Variants in FOXP4 observed in about 807,000 individuals in gnomAD.
FOXP4 encodes the protein forkhead box P4, also known as forkhead box protein P4.
FOXP4 carries 25 observed loss-of-function variants against 82.6 expected under a neutral mutation model. The ratio of observed to expected loss-of-function variants is 0.30; its 90% CI spans 0.22 to 0.42. The LOEUF (loss-of-function observed/expected upper bound fraction) is 0.42, where lower values mean the gene tolerates loss of function less well. Ranked by LOEUF, FOXP4 falls within the 10% of genes least tolerant of loss-of-function variation. The pLI, the probability that FOXP4 is intolerant of heterozygous loss-of-function variation, is 1.00. For missense variants in FOXP4, 785 were observed against 900.9 expected, an observed-to-expected ratio of 0.87 and a Z score of 1.65; for synonymous variants, 415 against 388.2, an observed-to-expected ratio of 1.07 and a Z score of -0.81.
intron 1 of FOXP4, among the ~76,000 whole-genome samples, chr6:41,554,431 G>A (rs1054294630): frequency 5.3e-5 from 8 of 152,310 alleles, no homozygotes; most frequent in African/African-American, 1.9e-4. Context: ...CTGCCTCCTC[G>A]TGCCCTCCTC....
intron 2 of FOXP4, among the ~76,000 whole-genome samples, chr6:41,573,482 TG>T (rs1765312210): frequency 6.6e-6 from 1 of 151,820 alleles, no homozygotes; most frequent in Non-Finnish European, 1.5e-5. Flanking sequence ...GAATGGGGGA[TG>T]GGGGGAGGAG....
In FOXP4 at chr6:41,601,787, TACGCC is replaced by T. The variant is rs965175090; in HGVS notation, c.*2854_*2858del. On this transcript the variant is annotated 3_prime_UTR_variant, in exon 17 of 17. Coordinates refer to ENST00000307972, the MANE Select transcript of FOXP4 (RefSeq NM_001012426.2). ...CACTGCACCCGGCTCTCACTGGTCT[TACGCC>T]ACCTTCTGGACACTCCCTCCTTGAG... The T allele has an allele frequency of 2.6e-5, 4 of 152,364 alleles. No homozygotes were observed. Among genetic ancestry groups the T allele is most frequent in the African/African-American group, 9.6e-5 (4 of 41,470 alleles). 9.4% of individuals were successfully genotyped at this position (152,364 alleles called of 1,614,324 possible).
chr6:41,575,073 A>G (rs886952799), intron 2 of FOXP4, among the ~76,000 whole-genome samples: 3 of 152,282 alleles, frequency 2.0e-5, no homozygotes, highest in Middle Eastern at 3.4e-3. Flanking sequence ...GGTTCACGCC[A>G]TCATTCTGCC....
At chr6:41,562,462 T>C (rs1764639312) in intron 1 of FOXP4, among the ~76,000 whole-genome samples, 1 of 152,160 alleles carries the variant, frequency 6.6e-6, no homozygotes, top group Admixed American at 6.5e-5. Context: ...GCAGCAATTA[T>C]GTTGTTCACT....
chr6:41,562,340 C>T (rs1191289346), intron 1 of FOXP4, among the ~76,000 whole-genome samples: 2 of 152,108 alleles, frequency 1.3e-5, no homozygotes, highest in African/African-American at 4.8e-5. Flanking sequence ...ACACACCCTG[C>T]GGAAATGACT....
rs903809982 is a variant in FOXP4, at chr6:41,558,330, G to A, written c.-16-7415G>A. The stretch of plus-strand genomic sequence containing the variant: ...AGCCACATTTTAACCCATGGGTCTT[G>A]ACTCACTTTCTTCAAGTGCTGAACC... On this transcript the variant is annotated intron_variant, in intron 1 of 16. Coordinates refer to ENST00000307972, the MANE Select transcript of FOXP4 (RefSeq NM_001012426.2). The surrounding 1 kb of genome is among the most constrained non-coding windows in gnomAD (Gnocchi z 4.0). Among the ~76,000 whole-genome samples the A allele has an allele frequency of 2.0e-5, 3 of 152,190 alleles. No individual in the cohort carries two copies. Among genetic ancestry groups the A allele is most frequent in the African/African-American group, 2.4e-5 (1 of 41,454 alleles).
intron 3 of FOXP4, 26 bp downstream of exon 3, chr6:41,578,107 T>A: frequency 6.2e-7 from 1 of 1,601,040 alleles, no homozygotes; most frequent in Non-Finnish European, 8.5e-7. Context: ...CCCCGCTGGC[T>A]CTGGGTTGGG....
In FOXP4 at chr6:41,591,340, C is replaced by CAG. The variant is rs1766503754; in HGVS notation, c.1536+19_1536+20insGA. On this transcript the variant is annotated intron_variant, in intron 13 of 16. Transcript: ENST00000307972. The surrounding 1 kb of genome is among the most constrained non-coding windows in gnomAD (Gnocchi z 4.2). ...CCTGGAAGGTGAAGCAGGCCCCTTC[C>CAG]ACCTTCTGGGCCCCAGTCACCCTTG... is the stretch of plus-strand genomic sequence containing the variant. 6.4e-7 allele frequency: 1 copy of CAG among 1,571,000 alleles called. No individual in the cohort carries two copies. The highest frequency in any genetic ancestry group is 1.3e-5 in the African/African-American group (1 of 74,278).
At chr6:41,560,321 G>A (rs77303116) in intron 1 of FOXP4, among the ~76,000 whole-genome samples, 5,871 of 152,268 alleles carry the variant, frequency 0.039, 166 homozygotes, top group South Asian at 0.074. Flanking sequence ...TGGTGTTAGC[G>A]CTGGGGCTAG....
At chr6:41,570,966 C>A (rs1453990960) in intron 2 of FOXP4, among the ~76,000 whole-genome samples, 1 of 152,180 alleles carries the variant, frequency 6.6e-6, no homozygotes, top group Non-Finnish European at 1.5e-5. Flanking sequence ...CCACTGCCCC[C>A]ACTCCAACCC....
At chr6:41,585,357 G>A (rs1766045794) in intron 4 of FOXP4, 74 bp from the exon 5 acceptor site, 4 of 1,464,046 alleles carry the variant, frequency 2.7e-6, no homozygotes, top group Non-Finnish European at 3.7e-6. Context: ...GCCCCCAGGA[G>A]CCCAGATGGG....
At chr6:41,564,449 T>A (rs1764762670) in intron 1 of FOXP4, among the ~76,000 whole-genome samples, 2 of 152,096 alleles carry the variant, frequency 1.3e-5, no homozygotes, top group Non-Finnish European at 2.9e-5. Context: ...TTAATTAAAT[T>A]AAATTTTAAA....
intron 13 of FOXP4, among the ~76,000 whole-genome samples, chr6:41,592,877 T>C (rs1202829543): frequency 6.6e-6 from 1 of 152,142 alleles, no homozygotes; most frequent in Admixed American, 6.5e-5. Context: ...GCCCAGCCTT[T>C]CACATCTCTG....
rs774985442 is a variant in FOXP4 at position 41,587,131 on chromosome 6, G to A, written c.633G>A (p.Ser211=). ...GLVSLQPNQA[S]GPLQTLPQAA... Reference sequence around the variant, plus strand: ...TCAGCCTGCAGCCCAACCAAGCCTCGGGGCCCCTCCAGACCCTTCCGCAAG... The same window carrying A: ...TCAGCCTGCAGCCCAACCAAGCCTCAGGGCCCCTCCAGACCCTTCCGCAAG... Residue 211 remains serine (S), a synonymous_variant, in exon 6 of 17, where the codon TCG becomes TCA. Coordinates refer to ENST00000307972, the MANE Select transcript of FOXP4 (RefSeq NM_001012426.2). 1.6e-5 allele frequency: 25 copies of A among 1,606,652 alleles called. No individual in the cohort carries two copies. Among genetic ancestry groups the A allele is most frequent in the Admixed American group, 1.2e-4 (7 of 59,772 alleles).
At chr6:41,556,196 C>T (rs906880609) in intron 1 of FOXP4, among the ~76,000 whole-genome samples, 1 of 152,034 alleles carries the variant, frequency 6.6e-6, no homozygotes, top group Non-Finnish European at 1.5e-5. Context: ...ACTTAGCAGT[C>T]AGGTAACCTT....
Position 41,597,182 on chromosome 6 carries a change from C to T in FOXP4, c.1665C>T (p.Pro555=). 6.2e-7 allele frequency: 1 copy of T among 1,614,184 alleles called. No homozygotes were observed. The highest frequency in any genetic ancestry group is 1.7e-5 in the Admixed American group (1 of 60,028). Residue 555 remains proline, a synonymous_variant, in exon 15 of 17, where the codon CCC becomes CCT. Coordinates refer to ENST00000307972, the MANE Select transcript of FOXP4 (RefSeq NM_001012426.2). ...KRRPPKMTGS[P]TLVKNMISGL... Reference sequence around the variant, plus strand: ...GGCCTTCTCTGTCCTCCAGGAGCCCCACCCTGGTGAAGAACATGATCTCTG... The same window carrying T: ...GGCCTTCTCTGTCCTCCAGGAGCCCTACCCTGGTGAAGAACATGATCTCTG...
intron 1 of FOXP4, among the ~76,000 whole-genome samples, chr6:41,552,559 TC>T (rs1180767861): frequency 6.6e-6 from 1 of 152,166 alleles, no homozygotes; most frequent in Non-Finnish European, 1.5e-5. Flanking sequence ...TTTGGATTGT[TC>T]CCTCAGTGAG....
chr6:41,602,023 C>G lies in FOXP4; in HGVS notation c.*3087C>G, dbSNP rs1008910819. ...TTGCTGACCTCTCTCTACTCTCAGG[C>G]ATGTCTTTTGTCCTTTTCGTCCATC... On this transcript the variant is annotated 3_prime_UTR_variant, in exon 17 of 17. Transcript: ENST00000307972. 1 of 152,404 alleles carries G rather than the reference C, an allele frequency of 6.6e-6. No homozygotes were observed. The highest frequency in any genetic ancestry group is 2.4e-5 in the African/African-American group (1 of 41,566). The allele number at this position is 152,404 out of a possible 1,614,324, so 9.4% of individuals were successfully genotyped here.
intron 1 of FOXP4, among the ~76,000 whole-genome samples, chr6:41,549,820 C>T (rs1024187169): frequency 1.3e-5 from 2 of 152,006 alleles, no homozygotes; most frequent in African/African-American, 4.8e-5. Flanking sequence ...AGGGTTGTCT[C>T]CCCAGGAAGC....
Sources: gnomAD v4.1 joint callset for allele counts (sites outside exome capture counted in the v4.1 genomes callset) on GRCh38, gnomAD v4.1.1 for gene constraint, Gnocchi (gnomAD v3.1) non-coding constraint, MANE v1.5 for transcripts, NCBI Gene and HGNC (gene_info 2026-07-23, HGNC 2026-07-21) for gene names.